STARD13: variants seen among roughly 807,000 people sequenced by gnomAD.
STARD13 encodes the protein stAR-related lipid transfer protein 13.
STARD13 carries 62 observed loss-of-function variants against 106.4 expected under a neutral mutation model. That is an observed-to-expected ratio of 0.58 (90% CI 0.48 to 0.72). The LOEUF is 0.72. Ranked by LOEUF, STARD13 falls within the 30% of genes least tolerant of loss-of-function variation. The pLI, the probability that STARD13 is intolerant of heterozygous loss-of-function variation, is 0.00. For missense variants in STARD13, 1,387 were observed against 1,424.0 expected (o/e 0.97, Z 0.42); for synonymous variants, 565 against 553.0 (o/e 1.02, Z -0.31).
At chr13:33,463,968 G>A in the STARD13 span, among the ~76,000 whole-genome samples, 1 of 149,794 alleles carries the variant, frequency 6.7e-6, no homozygotes, top group Non-Finnish European at 1.5e-5. Context: ...CAGAGATCGT[G>A]CCATTGCACT....
chr13:33,153,095 G>C (rs1387521508), intron 3 of STARD13, among the ~76,000 whole-genome samples: 8 of 152,194 alleles, frequency 5.3e-5, no homozygotes, highest in Admixed American at 5.2e-4. Context: ...TCACCACATA[G>C]TCTTCTCTAA....
chr13:33,635,963 G>A, the STARD13 span, among the ~76,000 whole-genome samples: 6 of 151,732 alleles, frequency 4.0e-5, no homozygotes, highest in Admixed American at 1.3e-4. Flanking sequence ...CAGCCTGGGC[G>A]ACAGAGTGAG....
intron 1 of STARD13, among the ~76,000 whole-genome samples, chr13:33,202,405 C>G (rs1887104900): frequency 6.6e-6 from 1 of 152,166 alleles, no homozygotes; most frequent in Non-Finnish European, 1.5e-5. Flanking sequence ...TGTGTAATGA[C>G]AGGACCCCAC....
chr13:33,584,720 G>C, the STARD13 span, among the ~76,000 whole-genome samples: 4 of 152,068 alleles, frequency 2.6e-5, no homozygotes, highest in African/African-American at 9.7e-5. Context: ...CCTTAAGACT[G>C]TCCCTGTTCC....
At chr13:33,400,648 A>G in the STARD13 span, among the ~76,000 whole-genome samples, 9 of 152,090 alleles carry the variant, frequency 5.9e-5, no homozygotes, top group Admixed American at 4.6e-4. Context: ...TATTTTTACT[A>G]GAGACGGGGT....
chr13:33,262,317 T>C (rs973525553), intron 1 of STARD13, among the ~76,000 whole-genome samples: 9 of 152,160 alleles, frequency 5.9e-5, no homozygotes, highest in African/African-American at 2.2e-4. Context: ...TCTGCCTGCC[T>C]CGGTCCTGCC....
the STARD13 span, among the ~76,000 whole-genome samples, chr13:33,655,449 T>C: frequency 6.6e-6 from 1 of 152,248 alleles, no homozygotes; most frequent in Non-Finnish European, 1.5e-5. Flanking sequence ...GGTGACTTTG[T>C]GGATCATGGT....
chr13:33,145,894 C>G (rs1286620929), intron 3 of STARD13, among the ~76,000 whole-genome samples: 1 of 152,180 alleles, frequency 6.6e-6, no homozygotes, highest in Admixed American at 6.5e-5. Context: ...CAAAAATGTT[C>G]TGTGTCACGG....
At chr13:33,205,997 T>G (rs1594104853) in intron 1 of STARD13, 4 of 985,478 alleles carry the variant, frequency 4.1e-6, no homozygotes, top group East Asian at 1.1e-4. Context: ...GCTTGGCTGT[T>G]GTCTGTGAGA....
chr13:33,516,708 G>T, the STARD13 span, among the ~76,000 whole-genome samples: 2 of 151,948 alleles, frequency 1.3e-5, no homozygotes, highest in Admixed American at 1.3e-4. Flanking sequence ...TTGGGATGTG[G>T]CTAGTCCAAA....
chr13:33,202,753 A>G (rs576653554), intron 1 of STARD13, among the ~76,000 whole-genome samples: 6 of 152,298 alleles, frequency 3.9e-5, no homozygotes, highest in African/African-American at 1.4e-4. Flanking sequence ...TTAGCAGAGC[A>G]CAGGGACAGA....
At chr13:33,553,973 G>T in the STARD13 span, among the ~76,000 whole-genome samples, 2 of 151,946 alleles carry the variant, frequency 1.3e-5, no homozygotes, top group South Asian at 2.1e-4. Context: ...TTTTTTAAAA[G>T]ATTTCTATTT....
upstream of STARD13, among the ~76,000 whole-genome samples, chr13:33,288,974 A>G (rs1892183684): frequency 6.6e-6 from 1 of 152,228 alleles, no homozygotes; most frequent in Admixed American, 6.5e-5. Context: ...GTGTTAGAAG[A>G]ATTACCACTG....
chr13:33,161,402 C>T (rs995924838), intron 3 of STARD13, among the ~76,000 whole-genome samples: 1 of 151,986 alleles, frequency 6.6e-6, no homozygotes, highest in Non-Finnish European at 1.5e-5. Flanking sequence ...GCAACCTCTG[C>T]CTCTTGGGCT....
At chr13:33,298,179 G>T (rs987313875) in intron 1 of STARD13, among the ~76,000 whole-genome samples, 2 of 143,124 alleles carry the variant, frequency 1.4e-5, no homozygotes, top group African/African-American at 5.2e-5. Context: ...ACCCAGGCTG[G>T]AGTGCAGTGG....
chr13:33,507,452 CATT>C, the STARD13 span, among the ~76,000 whole-genome samples: 2 of 151,988 alleles, frequency 1.3e-5, no homozygotes, highest in Non-Finnish European at 2.9e-5. Context: ...ATAAAGTAAA[CATT>C]ATATTAAGGA....
chr13:33,409,472 A>G, the STARD13 span, among the ~76,000 whole-genome samples: 1 of 152,156 alleles, frequency 6.6e-6, no homozygotes, highest in South Asian at 2.1e-4. Context: ...AATAAAAGGG[A>G]CCTTAAGTTA....
At chr13:33,171,481 T>C (rs73457600) in intron 1 of STARD13, among the ~76,000 whole-genome samples, 8,173 of 152,308 alleles carry the variant, frequency 0.054, 389 homozygotes, top group African/African-American at 0.13. Context: ...TCTATTTTTG[T>C]CTGTCCAACA....
the STARD13 span, among the ~76,000 whole-genome samples, chr13:33,532,545 C>A: frequency 6.6e-6 from 1 of 152,048 alleles, no homozygotes; most frequent in Non-Finnish European, 1.5e-5. Context: ...AGTTTTCTTC[C>A]TTTATGGCTG....
Sources: allele counts gnomAD v4.1 joint callset (sites outside exome capture counted in the v4.1 genomes callset), GRCh38; gene constraint gnomAD v4.1.1; transcripts MANE v1.5; gene names NCBI Gene and HGNC (gene_info 2026-07-23, HGNC 2026-07-21).